The following UNC13B variants were observed in gnomAD, a reference collection of about 807,000 sequenced individuals.
UNC13B encodes the protein protein unc-13 homolog B.
A neutral mutation model predicts 211.0 loss-of-function variants in UNC13B; 144 were observed. The ratio of observed to expected loss-of-function variants is 0.68; its 90% CI spans 0.60 to 0.78. The LOEUF is 0.78. Among genes scored for constraint, UNC13B ranks in the 30% least tolerant of loss-of-function variants. UNC13B has a pLI of 0.00. For synonymous variants in UNC13B, 709 were observed against 725.8 expected, an observed-to-expected ratio of 0.98 and a Z score of 0.37; for missense variants, 1,777 against 2,002.0, an observed-to-expected ratio of 0.89 and a Z score of 2.14.
At position 35,198,915 on chromosome 9, in the gene UNC13B, G is replaced by T. The variant is rs559226714; in HGVS notation, c.23-29100G>T. Among the ~76,000 whole-genome samples the T allele has an allele frequency of 2.0e-5, 3 of 152,210 alleles. No homozygotes were observed. The East Asian group carries it at 5.8e-4, about 29-fold the overall frequency. On this transcript the variant is annotated intron_variant, in intron 1 of 39. Coordinates refer to ENST00000635942, the MANE Select transcript of UNC13B (RefSeq NM_001371189.2). ...TAGGGTACATGTGCACAACGTGCAG[G>T]TTTGTTACATATGTATACATGTGCC...
At chr9:35,285,798 A>G (rs1459094987) in intron 7 of UNC13B, among the ~76,000 whole-genome samples, 2 of 152,242 alleles carry the variant, frequency 1.3e-5, no homozygotes, top group Non-Finnish European at 2.9e-5. Context: ...TTTCTTGATA[A>G]GGATAGTTAA....
At position 35,382,339 on chromosome 9, in the gene UNC13B, G is replaced by A. The variant is rs962402946; in HGVS notation, c.10656-18G>A. The A allele has an allele frequency of 3.7e-6, 6 of 1,606,734 alleles. No homozygotes were observed. The highest frequency in any genetic ancestry group is 1.7e-5 in the Admixed American group (1 of 58,718). On this transcript the variant is annotated intron_variant, in intron 20 of 39. Transcript: ENST00000635942. ...AGCCCTGAAGAGTCTTTGAGGCTGC[G>A]GGTGCTGTGTTTTTCAGGCACTTTG...
At chr9:35,228,703 A>AGTGTGTGTGT (rs56971215) in intron 2 of UNC13B, among the ~76,000 whole-genome samples, 15 of 140,496 alleles carry the variant, frequency 1.1e-4, no homozygotes, top group East Asian at 6.3e-4. Context: ...ACATCATGAA[A>AGTGTGTGTGT]GTGTGTGTGT....
rs890880528 is a variant in UNC13B at position 35,310,561 on chromosome 9, G to C, written c.9103G>C (p.Asp3035His). The C allele has an allele frequency of 4.3e-6, 7 of 1,614,072 alleles. No individual in the cohort carries two copies. Among genetic ancestry groups the C allele is most frequent in the Non-Finnish European group, 5.9e-6 (7 of 1,180,024 alleles). Residue 3035 changes from aspartate (D) to histidine (H), a missense_variant, in exon 10 of 40, where the codon GAC (aspartate) becomes CAC (histidine). Transcript: ENST00000635942. ...AGACCAGTATCACGAACAAGATGAC[G>C]ACCATCGGGAGACGGACTCGATTCA... ...ELDQYHEQDD[D>H]HRETDSIHSC...
At chr9:35,235,081 G>A (rs1350773768) in intron 3 of UNC13B, among the ~76,000 whole-genome samples, 2 of 152,216 alleles carry the variant, frequency 1.3e-5, no homozygotes, top group South Asian at 4.2e-4. Flanking sequence ...GGTACTATTT[G>A]CGTATTCTAG....
chr9:35,377,971 G>C (rs572890817), intron 16 of UNC13B, among the ~76,000 whole-genome samples: 3 of 152,178 alleles, frequency 2.0e-5, no homozygotes, highest in African/African-American at 4.8e-5. Flanking sequence ...TATAAGAGGT[G>C]GGGGGAGGGG....
chr9:35,301,490 G>C lies in UNC13B; in HGVS notation c.2086G>C (p.Glu696Gln). The change falls in exon 9 of 40, where the codon GAA becomes CAA. Residue 696 changes from glutamate (E) to glutamine (Q), a missense_variant. Physicochemically the swap from Glu to Gln is conservative, Grantham distance 29 (BLOSUM62 2). Transcript: ENST00000635942. ...VECGLELNKR[E>Q]GTLDNYSSSI... The stretch of plus-strand genomic sequence containing the variant: ...GTGTGGTTTGGAGTTAAATAAAAGG[G>C]AAGGCACTCTTGACAATTACAGTAG... 2.5e-6 allele frequency: 1 copy of C among 398,694 alleles called. No homozygotes were observed. Among genetic ancestry groups the C allele is most frequent in the East Asian group, 3.6e-5 (1 of 28,052 alleles). The allele number at this position is 398,694 out of a possible 1,614,324, so 24.7% of individuals were successfully genotyped here.
chr9:35,366,404 T>C (rs1833773770), intron 11 of UNC13B, among the ~76,000 whole-genome samples: 3 of 152,158 alleles, frequency 2.0e-5, no homozygotes, highest in African/African-American at 7.2e-5. Flanking sequence ...TCTTGTTATG[T>C]AGAATTTATT....
chr9:35,353,103 T>C, intron 11 of UNC13B: 1 of 1,232,138 alleles, frequency 8.1e-7, no homozygotes, highest in Non-Finnish European at 1.0e-6. Flanking sequence ...GACAGCATGA[T>C]GGAGGAAATT....
intron 11 of UNC13B, among the ~76,000 whole-genome samples, chr9:35,328,598 C>CCCTTCCTTCCTTCCTTCCTT (rs34586347): frequency 6.1e-5 from 6 of 98,616 alleles, no homozygotes; most frequent in Non-Finnish European, 6.5e-5. Flanking sequence ...CTGAATTGTC[C>CCCTTCCTTCCTTCCTTCCTT]CCTTCCTTCC....
At position 35,370,361 on chromosome 9, in the gene UNC13B, C is replaced by T. The variant is rs763467923; in HGVS notation, c.9505C>T (p.Arg3169Cys). Reference sequence around the variant, plus strand: ...TGGCATTGACAGCATGCCAGATTTACGCAGAAAGAAGCCACTGCCACTTGT... The same window carrying T: ...TGGCATTGACAGCATGCCAGATTTATGCAGAAAGAAGCCACTGCCACTTGT... ...LYGIDSMPDL[R>C]RKKPLPLVSD... The change falls in exon 13 of 40, where the codon CGC (arginine) becomes TGC (cysteine). Residue 3169 changes from arginine (R) to cysteine (C), a missense_variant. By Grantham distance (180) the Arg-to-Cys change is radical. Coordinates refer to ENST00000635942, the MANE Select transcript of UNC13B (RefSeq NM_001371189.2). The T allele has an allele frequency of 7.0e-5, 113 of 1,613,850 alleles. No individual in the cohort carries two copies. The highest frequency in any genetic ancestry group is 8.3e-5 in the Admixed American group (5 of 60,008).
chr9:35,165,605 G>A (rs1244872541), intron 1 of UNC13B, among the ~76,000 whole-genome samples: 1 of 151,692 alleles, frequency 6.6e-6, no homozygotes, highest in East Asian at 1.9e-4. Context: ...TTTTAGTAGA[G>A]ACGGGGTTTC....
chr9:35,290,077 T>C (rs1018660440), intron 7 of UNC13B, among the ~76,000 whole-genome samples: 15 of 152,332 alleles, frequency 9.8e-5, no homozygotes, highest in African/African-American at 3.1e-4. Context: ...AATTAGTTTC[T>C]TGAAATTCAA....
At chr9:35,337,725 T>C (rs1204678698) in intron 11 of UNC13B, among the ~76,000 whole-genome samples, 2 of 152,242 alleles carry the variant, frequency 1.3e-5, no homozygotes, top group African/African-American at 4.8e-5. Context: ...TGAAGACACT[T>C]GAAACTCATC....
intron 6 of UNC13B, among the ~76,000 whole-genome samples, chr9:35,248,030 A>G (rs534421272): frequency 2.6e-4 from 39 of 152,150 alleles, no homozygotes; most frequent in South Asian, 1.0e-3. Flanking sequence ...CTCAATTTCA[A>G]AGCCTGTTAT....
At chr9:35,352,951 A>G in intron 11 of UNC13B, 1 of 1,232,200 alleles carries the variant, frequency 8.1e-7, no homozygotes, top group Non-Finnish European at 1.0e-6. Context: ...GCTGCCTGTC[A>G]TTGTCTGGGT....
chr9:35,332,127 A>G (rs769262041), intron 11 of UNC13B, among the ~76,000 whole-genome samples: 9 of 152,090 alleles, frequency 5.9e-5, no homozygotes, highest in Non-Finnish European at 8.8e-5. Flanking sequence ...GACTACAGGC[A>G]TGAGCCACCA....
chr9:35,298,519 G>A (rs1442569643), intron 8 of UNC13B, among the ~76,000 whole-genome samples: 9 of 151,196 alleles, frequency 6.0e-5, no homozygotes, highest in Non-Finnish European at 1.0e-4. Context: ...AGGGTCTTGC[G>A]TTGTTGCTCA....
intron 11 of UNC13B, among the ~76,000 whole-genome samples, chr9:35,340,208 C>T (rs889947543): frequency 6.6e-6 from 1 of 152,164 alleles, no homozygotes; most frequent in Non-Finnish European, 1.5e-5. Flanking sequence ...CAGGCCTTAT[C>T]TCTTCTGTCA....
Sources: gnomAD v4.1 joint callset for allele counts (sites outside exome capture counted in the v4.1 genomes callset) on GRCh38, gnomAD v4.1.1 for gene constraint, MANE v1.5 for transcripts, NCBI Gene and HGNC (gene_info 2026-07-23, HGNC 2026-07-21) for gene names.